VSIG1: variants seen among roughly 807,000 people sequenced by gnomAD.
VSIG1 encodes the protein V-set and immunoglobulin domain containing 1, also known as V-set and immunoglobulin domain-containing protein 1.
A neutral mutation model predicts 20.1 loss-of-function variants in VSIG1; 11 were observed. The ratio of observed to expected loss-of-function variants is 0.55; its 90% CI spans 0.34 to 0.91. The LOEUF (loss-of-function observed/expected upper bound fraction) is 0.91. VSIG1 is among the 40% of genes least tolerant of loss of function. The pLI, the probability that VSIG1 is intolerant of heterozygous loss-of-function variation, is 0.02. For missense variants in VSIG1, 283 were observed against 298.8 expected (o/e 0.95, Z 0.39); for synonymous variants, 126 against 116.7 (o/e 1.08, Z -0.52).
chrX:108,027,946 A>C, the VSIG1 span, among the ~76,000 whole-genome samples: 2 of 111,340 alleles, frequency 1.8e-5, no homozygotes, highest in African/African-American at 6.5e-5. Context: ...TTCTAAGATA[A>C]AACTCCAAGA....
chrX:108,044,423 A>T (rs1419689187), upstream of VSIG1, among the ~76,000 whole-genome samples: 1 of 111,934 alleles, frequency 8.9e-6, no homozygotes. Context: ...GTCTTTAAGC[A>T]TGTATTCACT....
chrX:108,045,080 C>T lies in VSIG1; in HGVS notation c.-51C>T, dbSNP rs917676737. On this transcript the variant is annotated 5_prime_UTR_variant, in exon 1 of 7. Transcript: ENST00000217957. ...CGAAGAAGCCAATTTGAGACTCAGC[C>T]TAGTCCAGGCAAGCTACTGGCACCT... 4.5e-6 allele frequency: 5 copies of T among 1,100,108 alleles called. No homozygotes were observed. In the African/African-American group the frequency reaches 7.4e-5, roughly 16 times the overall value. The allele number at this position is 1,100,108 out of a possible 1,213,427, so 90.7% of individuals were successfully genotyped here.
At chrX:108,064,323 C>G (rs778190312) in intron 2 of VSIG1, among the ~76,000 whole-genome samples, 1 of 111,444 alleles carries the variant, frequency 9.0e-6, no homozygotes, top group Non-Finnish European at 1.9e-5. Flanking sequence ...TCTCTAATAC[C>G]TTTTAGTGTC....
At chrX:108,047,953 TACACACAC>T (rs1158174171) in intron 1 of VSIG1, among the ~76,000 whole-genome samples, 2 of 15,011 alleles carry the variant, frequency 1.3e-4, no homozygotes, top group Admixed American at 7.9e-4. Context: ...TATATATATA[TACACACAC>T]ATATATATAT....
At chrX:108,044,634 C>T (rs1476712264), upstream of VSIG1, among the ~76,000 whole-genome samples, 1 of 111,432 alleles carries the variant, frequency 9.0e-6, no homozygotes, top group Non-Finnish European at 1.9e-5. Flanking sequence ...GTGCCCTTCC[C>T]GTGAGCCCCA....
At chrX:108,057,902 C>T in intron 1 of VSIG1, 136 bp from the exon 2 acceptor site, 2 of 590,124 alleles carry the variant, frequency 3.4e-6, no homozygotes, top group Non-Finnish European at 5.0e-6. Flanking sequence ...ACTCAACTTT[C>T]TTGTATGGTT....
At position 108,060,390 on chromosome X, in the gene VSIG1, T is replaced by C. The variant is rs562031601; in HGVS notation, c.213+2189T>C. 1.6e-3 allele frequency among the ~76,000 whole-genome samples: 174 copies of C among 111,225 alleles called. 3 individuals carry two copies. The highest frequency in any genetic ancestry group is 0.014 in the Admixed American group (150 of 10,494). On this transcript the variant is annotated intron_variant, in intron 2 of 6. Coordinates refer to ENST00000217957, the MANE Select transcript of VSIG1 (RefSeq NM_182607.5). ...TGCCTTAGCTGCATAGAAGACAAGC[T>C]TTTGTGTTTTTATTGCTCCCACAGC...
chrX:108,036,712 C>T, the VSIG1 span, among the ~76,000 whole-genome samples: 15 of 112,160 alleles, frequency 1.3e-4, no homozygotes, highest in South Asian at 3.7e-3. Context: ...TCCTTCAATA[C>T]GCCCTTGAAA....
At chrX:108,047,871 C>CATATATAT (rs1163835788) in intron 1 of VSIG1, among the ~76,000 whole-genome samples, 11 of 28,807 alleles carry the variant, frequency 3.8e-4, no homozygotes, top group Non-Finnish European at 6.1e-4. Context: ...TATATATATA[C>CATATATAT]ACATATATAT....
chrX:108,030,220 T>C, the VSIG1 span, among the ~76,000 whole-genome samples: 2 of 111,884 alleles, frequency 1.8e-5, no homozygotes, highest in East Asian at 5.6e-4. Context: ...TGGTCCTACA[T>C]TATGATCATC....
At chrX:108,040,566 T>C, upstream of VSIG1, among the ~76,000 whole-genome samples, 1 of 111,694 alleles carries the variant, frequency 9.0e-6, no homozygotes. Context: ...GGACCTAATC[T>C]ACAATAATAA....
At chrX:108,032,619 A>ACC in the VSIG1 span, among the ~76,000 whole-genome samples, 1 of 111,919 alleles carries the variant, frequency 8.9e-6, no homozygotes, top group Non-Finnish European at 1.9e-5. Flanking sequence ...TTGAACAAAT[A>ACC]TTTGAGGGAA....
chrX:108,048,465 C>A (rs1305562732), intron 1 of VSIG1, among the ~76,000 whole-genome samples: 2 of 112,584 alleles, frequency 1.8e-5, no homozygotes, highest in African/African-American at 6.5e-5. Flanking sequence ...ATTTCAACCA[C>A]ATATGCATTT....
rs190759217 is a variant in VSIG1 at position 108,078,440 on chromosome X, A to G, written c.*1059A>G. The G allele has an allele frequency of 1.8e-5, 2 of 111,704 alleles. No individual in the cohort carries two copies. The highest frequency in any genetic ancestry group is 9.5e-5 in the Admixed American group (1 of 10,563). 9.2% of individuals were successfully genotyped at this position (111,704 alleles called of 1,213,427 possible). On this transcript the variant is annotated 3_prime_UTR_variant, in exon 7 of 7. Coordinates refer to ENST00000217957, the MANE Select transcript of VSIG1 (RefSeq NM_182607.5). ...CCCCTTCTCTACTAAAAATACAAAAATTAGCTGGGCGTGGTAGTGCATGCC... is the reference window on the plus strand; with the variant it reads ...CCCCTTCTCTACTAAAAATACAAAAGTTAGCTGGGCGTGGTAGTGCATGCC...
intron 3 of VSIG1, among the ~76,000 whole-genome samples, chrX:108,070,442 A>G (rs1183576940): frequency 8.9e-6 from 1 of 112,062 alleles, no homozygotes; most frequent in Non-Finnish European, 1.9e-5. Context: ...TTTGTTAATA[A>G]AAAATAAAAG....
upstream of VSIG1, among the ~76,000 whole-genome samples, chrX:108,044,753 T>C (rs2030534195): frequency 8.9e-6 from 1 of 112,032 alleles, no homozygotes; most frequent in South Asian, 3.7e-4. Context: ...ATTAGCCTTG[T>C]CAGCTTTTAT....
In VSIG1 at chrX:108,077,163, C is replaced by G; in HGVS notation, c.946C>G (p.Gln316Glu). 3.3e-6 allele frequency: 4 copies of G among 1,211,954 alleles called. No homozygotes were observed. Among genetic ancestry groups the G allele is most frequent in the Non-Finnish European group, 3.3e-6 (3 of 895,568 alleles). The change falls in exon 7 of 7, where the codon CAA becomes GAA. Residue 316 changes from glutamine to glutamate, a missense_variant. Physicochemically the swap from Gln to Glu is conservative, Grantham distance 29. Coordinates refer to ENST00000217957, the MANE Select transcript of VSIG1 (RefSeq NM_182607.5). ...SIHETGPDTI[Q>E]EPDYEPKPTQ... is the part of the protein sequence containing the mutation. ...TCATGAGACTGGCCCTGATACCATC[C>G]AAGAACCAGACTATGAGCCAAAGCC...
At chrX:108,046,075 G>A (rs970385682) in intron 1 of VSIG1, among the ~76,000 whole-genome samples, 1 of 111,249 alleles carries the variant, frequency 9.0e-6, no homozygotes, top group Non-Finnish European at 1.9e-5. Flanking sequence ...TGCTCATGGT[G>A]GTTGCCTCTG....
the VSIG1 span, among the ~76,000 whole-genome samples, chrX:108,023,674 G>A: frequency 1.8e-5 from 2 of 111,626 alleles, no homozygotes; most frequent in Non-Finnish European, 3.8e-5. Flanking sequence ...ACAACAGACA[G>A]AGATGCTAAT....
Sources: allele counts gnomAD v4.1 joint callset (sites outside exome capture counted in the v4.1 genomes callset), GRCh38; gene constraint gnomAD v4.1.1; transcripts MANE v1.5; gene names NCBI Gene and HGNC (gene_info 2026-07-23, HGNC 2026-07-21).